The following SREK1IP1 variants were observed in gnomAD, a reference collection of about 807,000 sequenced individuals.
The protein encoded by SREK1IP1 is protein SREK1IP1.
SREK1IP1 carries 12 observed loss-of-function variants against 22.8 expected under a neutral mutation model. That is an observed-to-expected ratio of 0.53 (90% CI 0.34 to 0.85). The LOEUF (loss-of-function observed/expected upper bound fraction) is 0.85. SREK1IP1 is among the 40% of genes least tolerant of loss of function. The probability of loss-of-function intolerance (pLI) is 0.02; values close to 1 mark genes in which losing one functional copy is unlikely to be tolerated. For missense variants in SREK1IP1, 147 were observed against 171.8 expected, an observed-to-expected ratio of 0.86 and a Z score of 0.81; for synonymous variants, 53 against 52.7, an observed-to-expected ratio of 1.01 and a Z score of -0.02.
At chr5:64,744,493 G>A (rs950914180) in intron 2 of SREK1IP1, among the ~76,000 whole-genome samples, 3 of 152,196 alleles carry the variant, frequency 2.0e-5, no homozygotes, top group African/African-American at 4.8e-5. Context: ...AGACCTGGAC[G>A]GATTCGCCAC....
At chr5:64,756,849 A>C (rs1447249343) in intron 1 of SREK1IP1, among the ~76,000 whole-genome samples, 1 of 152,060 alleles carries the variant, frequency 6.6e-6, no homozygotes, top group Non-Finnish European at 1.5e-5. Context: ...GATGGTCTCG[A>C]TCTCCTGACC....
intron 2 of SREK1IP1, among the ~76,000 whole-genome samples, chr5:64,744,038 G>C (rs1449189649): frequency 6.6e-6 from 1 of 152,092 alleles, no homozygotes; most frequent in Admixed American, 6.6e-5. Flanking sequence ...CTTCCAATAA[G>C]ATCTCAGGAA....
rs1025148734 is a variant in SREK1IP1 at position 64,722,481 on chromosome 5, T to A, written c.*1903A>T. ...TTTTTAATATTTTATTTTACTGTTA[T>A]TTTTTCAAGGCTAGTCAAGTCAAGC... On this transcript the variant is annotated 3_prime_UTR_variant, in exon 5 of 5. Transcript: ENST00000513458. The A allele has an allele frequency of 2.0e-5, 3 of 152,198 alleles. No homozygotes were observed. The highest frequency in any genetic ancestry group is 2.9e-5 in the Non-Finnish European group (2 of 68,030). 9.4% of individuals were successfully genotyped at this position (152,198 alleles called of 1,614,324 possible).
intron 4 of SREK1IP1, among the ~76,000 whole-genome samples, chr5:64,725,759 G>A (rs765616608): frequency 3.3e-5 from 5 of 150,908 alleles, no homozygotes; most frequent in Non-Finnish European, 7.4e-5. Context: ...CTCTTTTAAA[G>A]ACCCTGTTTG....
chr5:64,762,865 A>G (rs1228304190), intron 1 of SREK1IP1, among the ~76,000 whole-genome samples: 3 of 152,028 alleles, frequency 2.0e-5, no homozygotes, highest in African/African-American at 7.3e-5. Context: ...CAACCTGGGC[A>G]ATATGGTGAA....
At position 64,718,372 on chromosome 5, in the gene SREK1IP1, T is replaced by TTA. The variant is rs1742091986; in HGVS notation, c.*6010_*6011dup. 2 of 173,150 alleles carry TTA rather than the reference T, an allele frequency of 1.2e-5. No homozygotes were observed. The highest frequency in any genetic ancestry group is 3.2e-4 in the South Asian group (2 of 6,278). The allele number at this position is 173,150 out of a possible 1,614,324, so 10.7% of individuals were successfully genotyped here. ...CCAGCATTTCTCAACTTTCTGATACTTACAGGCAGTTATTCTTATGAGATG... is the reference window on the plus strand; with the variant it reads ...CCAGCATTTCTCAACTTTCTGATACTTATACAGGCAGTTATTCTTATGAGATG... On this transcript the variant is annotated 3_prime_UTR_variant, in exon 5 of 5. Coordinates refer to ENST00000513458, the MANE Select transcript of SREK1IP1 (RefSeq NM_173829.4).
chr5:64,743,723 T>A (rs946888194), intron 2 of SREK1IP1, among the ~76,000 whole-genome samples: 1 of 152,218 alleles, frequency 6.6e-6, no homozygotes, highest in Non-Finnish European at 1.5e-5. Context: ...TTTGAGACAT[T>A]AGTAAATGCT....
At chr5:64,746,151 A>G (rs1211531088) in intron 2 of SREK1IP1, among the ~76,000 whole-genome samples, 1 of 152,230 alleles carries the variant, frequency 6.6e-6, no homozygotes, top group Non-Finnish European at 1.5e-5. Context: ...GATGGTACAG[A>G]GACAACTTTT....
At chr5:64,744,674 GT>G (rs1447200363) in intron 2 of SREK1IP1, among the ~76,000 whole-genome samples, 1 of 152,062 alleles carries the variant, frequency 6.6e-6, no homozygotes, top group East Asian at 1.9e-4. Flanking sequence ...TTTCTGTGTA[GT>G]TTTTAGTTTT....
chr5:64,733,565 G>C (rs1487516607), intron 3 of SREK1IP1, among the ~76,000 whole-genome samples: 1 of 152,070 alleles, frequency 6.6e-6, no homozygotes, highest in African/African-American at 2.4e-5. Context: ...TCGTAGGGAC[G>C]TAAAATGGTA....
intron 3 of SREK1IP1, among the ~76,000 whole-genome samples, chr5:64,732,977 G>A (rs1742403340): frequency 6.6e-6 from 1 of 150,672 alleles, no homozygotes; most frequent in Admixed American, 6.6e-5. Context: ...AAGAAATGGT[G>A]TTGGAACAAC....
rs76002270 is a variant in SREK1IP1, at chr5:64,764,780, T to C, written c.13+3725A>G. 2.3e-3 allele frequency among the ~76,000 whole-genome samples: 350 copies of C among 152,244 alleles called. 3 individuals are homozygous for C. The highest frequency in any genetic ancestry group is 8.0e-3 in the African/African-American group (333 of 41,540). Reference sequence around the variant, plus strand: ...GGATCAGATATATGATTCAGGAAAATTATTTTAGCAGCAATGTGCAATATA... The same window carrying C: ...GGATCAGATATATGATTCAGGAAAACTATTTTAGCAGCAATGTGCAATATA... On this transcript the variant is annotated intron_variant, in intron 1 of 4. Coordinates refer to ENST00000513458, the MANE Select transcript of SREK1IP1 (RefSeq NM_173829.4).
chr5:64,767,346 T>G (rs554965539), intron 1 of SREK1IP1, among the ~76,000 whole-genome samples: 4 of 152,314 alleles, frequency 2.6e-5, no homozygotes, highest in African/African-American at 9.6e-5. Context: ...TTCTCTCTCT[T>G]CACTGCTAAA....
At position 64,718,797 on chromosome 5, in the gene SREK1IP1, A is replaced by T. The variant is rs564718998; in HGVS notation, c.*5587T>A. 1 of 151,174 alleles carries T rather than the reference A, an allele frequency of 6.6e-6. No homozygotes were observed. The highest frequency in any genetic ancestry group is 1.5e-5 in the Non-Finnish European group (1 of 67,690). 9.4% of individuals were successfully genotyped at this position (151,174 alleles called of 1,614,324 possible). On this transcript the variant is annotated 3_prime_UTR_variant, in exon 5 of 5. Transcript: ENST00000513458. ...CTGGTTTTGTAACAGAATTCAACAG[A>T]AAAAAAAAGGGAATTATTTTAAGCA...
At chr5:64,744,449 T>C (rs1742599019) in intron 2 of SREK1IP1, among the ~76,000 whole-genome samples, 1 of 152,210 alleles carries the variant, frequency 6.6e-6, no homozygotes, top group South Asian at 2.1e-4. Flanking sequence ...AGTAGAATTC[T>C]TTCTTCTGAG....
rs910383964 is a variant in SREK1IP1, at chr5:64,719,734, G to T, written c.*4650C>A. 4 of 152,186 alleles carry T rather than the reference G, an allele frequency of 2.6e-5. No homozygotes were observed. The highest frequency in any genetic ancestry group is 5.9e-5 in the Non-Finnish European group (4 of 68,044). The allele number at this position is 152,186 out of a possible 1,614,324, so 9.4% of individuals were successfully genotyped here. On this transcript the variant is annotated 3_prime_UTR_variant, in exon 5 of 5. Coordinates refer to ENST00000513458, the MANE Select transcript of SREK1IP1 (RefSeq NM_173829.4). ...TGTGGGAAAGGCATAGTGGGGTCAGGCATGACTGGATGCATCATGGGTTGT... is the reference window on the plus strand; with the variant it reads ...TGTGGGAAAGGCATAGTGGGGTCAGTCATGACTGGATGCATCATGGGTTGT...
intron 3 of SREK1IP1, among the ~76,000 whole-genome samples, chr5:64,735,026 G>C (rs1742436346): frequency 6.6e-6 from 1 of 151,964 alleles, no homozygotes; most frequent in Non-Finnish European, 1.5e-5. Flanking sequence ...CATTAAGTAT[G>C]ATGTAACATT....
At chr5:64,744,122 C>T (rs1334196888) in intron 2 of SREK1IP1, among the ~76,000 whole-genome samples, 1 of 151,986 alleles carries the variant, frequency 6.6e-6, no homozygotes, top group Non-Finnish European at 1.5e-5. Context: ...GGCATTCCAC[C>T]AGAAAAGGGA....
At chr5:64,734,414 T>C (rs1053032800) in intron 3 of SREK1IP1, among the ~76,000 whole-genome samples, 2 of 152,056 alleles carry the variant, frequency 1.3e-5, no homozygotes, top group Admixed American at 6.5e-5. Flanking sequence ...CAATTTTTTT[T>C]ATTTTTATTT....
Sources: gnomAD v4.1 joint callset for allele counts (sites outside exome capture counted in the v4.1 genomes callset) on GRCh38, gnomAD v4.1.1 for gene constraint, MANE v1.5 for transcripts, NCBI Gene and HGNC (gene_info 2026-07-23, HGNC 2026-07-21) for gene names.